Variants in ATP10A observed in about 807,000 individuals in gnomAD.
ATP10A encodes the protein phospholipid-transporting ATPase VA.
ATP10A carries 111 observed loss-of-function variants against 147.8 expected under a neutral mutation model. That is an observed-to-expected ratio of 0.75 (90% CI 0.64 to 0.88). The LOEUF is 0.88. Among genes scored for constraint, ATP10A ranks in the 40% least tolerant of loss-of-function variants. The pLI, the probability that ATP10A is intolerant of heterozygous loss-of-function variation, is 0.00. For synonymous variants in ATP10A, 875 were observed against 841.6 expected (o/e 1.04, Z -0.69); for missense variants, 1,927 against 1,959.0 (o/e 0.98, Z 0.31).
intron 15 of ATP10A, among the ~76,000 whole-genome samples, chr15:25,690,677 G>A (rs764856728): frequency 6.6e-6 from 1 of 152,124 alleles, no homozygotes; most frequent in Non-Finnish European, 1.5e-5. Context: ...GTTCAGACCC[G>A]TGTTGTTCAA....
chr15:25,686,397 G>C (rs1899716003), intron 16 of ATP10A, among the ~76,000 whole-genome samples: 1 of 106,112 alleles, frequency 9.4e-6, no homozygotes, highest in Admixed American at 9.1e-5. Flanking sequence ...GAGGCTGGAA[G>C]ATCACTTGAG....
chr15:25,826,042 T>TC, intron 1 of ATP10A, among the ~76,000 whole-genome samples: 1 of 151,970 alleles, frequency 6.6e-6, no homozygotes, highest in Non-Finnish European at 1.5e-5. Context: ...GAAATAAAAA[T>TC]TTGAAGATCT....
At chr15:25,722,593 G>A (rs1244940397) in intron 6 of ATP10A, among the ~76,000 whole-genome samples, 1 of 152,102 alleles carries the variant, frequency 6.6e-6, no homozygotes, top group African/African-American at 2.4e-5. Flanking sequence ...AGACTAACTG[G>A]GTTCTCCTGG....
intron 12 of ATP10A, among the ~76,000 whole-genome samples, chr15:25,705,452 A>AC (rs756538136): frequency 0.21 from 5,683 of 27,524 alleles, 196 homozygotes; most frequent in East Asian, 0.3. Context: ...AAAAAAAAAA[A>AC]ACAAAAAAAA....
At chr15:25,705,025 A>C (rs943111951) in intron 12 of ATP10A, among the ~76,000 whole-genome samples, 1 of 152,356 alleles carries the variant, frequency 6.6e-6, no homozygotes, top group South Asian at 2.1e-4. Context: ...AATGAGCAAG[A>C]GTATCCTTTG....
chr15:25,831,975 C>T (rs548314608), intron 1 of ATP10A, among the ~76,000 whole-genome samples: 1 of 152,258 alleles, frequency 6.6e-6, no homozygotes, highest in South Asian at 2.1e-4. Context: ...ACGATCCTTG[C>T]AGATATAGTT....
intron 1 of ATP10A, among the ~76,000 whole-genome samples, chr15:25,798,610 G>A (rs983757183): frequency 3.9e-5 from 6 of 152,176 alleles, no homozygotes; most frequent in Non-Finnish European, 8.8e-5. Flanking sequence ...TGGCCAGGGC[G>A]GCACAAGGCA....
intron 12 of ATP10A, among the ~76,000 whole-genome samples, chr15:25,705,095 G>A (rs768067897): frequency 2.6e-5 from 4 of 152,230 alleles, no homozygotes; most frequent in Admixed American, 1.3e-4. Context: ...TGGAGAGAAC[G>A]GAGATCCTTT....
chr15:25,830,070 G>A (rs534866135), intron 1 of ATP10A, among the ~76,000 whole-genome samples: 89 of 152,232 alleles, frequency 5.8e-4, no homozygotes, highest in African/African-American at 2.1e-3. Context: ...TGGTTCAGGC[G>A]GGGAGAAGTG....
intron 13 of ATP10A, among the ~76,000 whole-genome samples, chr15:25,701,400 ACAGTTCCCTG>A (rs1288469631): frequency 1.3e-5 from 2 of 152,194 alleles, no homozygotes. Flanking sequence ...CCACAGCAAG[ACAGTTCCCTG>A]CTCCATTCAA....
At chr15:25,770,336 C>A (rs1188811318) in intron 2 of ATP10A, among the ~76,000 whole-genome samples, 1 of 152,222 alleles carries the variant, frequency 6.6e-6, no homozygotes, top group African/African-American at 2.4e-5. Flanking sequence ...AGAGATGGCC[C>A]TGAGGGGCTT....
At chr15:25,721,010 C>G (rs1902184280) in intron 7 of ATP10A, among the ~76,000 whole-genome samples, 2 of 152,172 alleles carry the variant, frequency 1.3e-5, no homozygotes, top group African/African-American at 4.8e-5. Context: ...GCTGCAGCCC[C>G]AGGCACAGTG....
intron 2 of ATP10A, among the ~76,000 whole-genome samples, chr15:25,736,445 T>C (rs1887286818): frequency 6.6e-6 from 1 of 152,210 alleles, no homozygotes; most frequent in African/African-American, 2.4e-5. Context: ...AGGCCATCAA[T>C]GAAGCAAAGG....
At chr15:25,819,986 T>C (rs1299548506) in intron 1 of ATP10A, among the ~76,000 whole-genome samples, 1 of 152,124 alleles carries the variant, frequency 6.6e-6, no homozygotes, top group Non-Finnish European at 1.5e-5. Context: ...ATACATGTGG[T>C]AGATACATTA....
rs73368983 is a variant in ATP10A, at chr15:25,823,602, A to C, written c.449+39046T>G. Among the ~76,000 whole-genome samples, 547 of 152,324 alleles carry C rather than the reference A, an allele frequency of 3.6e-3. 4 individuals carry two copies. The highest frequency in any genetic ancestry group is 0.013 in the African/African-American group (533 of 41,572). On this transcript the variant is annotated intron_variant, in intron 1 of 20. Coordinates refer to ENST00000555815, the MANE Select transcript of ATP10A (RefSeq NM_024490.4). The stretch of plus-strand genomic sequence containing the variant: ...AATTGTTTCTAAATAGAAGTCTTCC[A>C]AGGAAGTTACGGTACAATTTATTCA...
At chr15:25,783,603 A>C (rs1300170433) in intron 1 of ATP10A, among the ~76,000 whole-genome samples, 1 of 152,198 alleles carries the variant, frequency 6.6e-6, no homozygotes, top group Non-Finnish European at 1.5e-5. Flanking sequence ...AAGATCCACC[A>C]AACCAGTTAT....
chr15:25,772,879 C>T (rs1409394009), intron 2 of ATP10A, among the ~76,000 whole-genome samples: 2 of 152,164 alleles, frequency 1.3e-5, no homozygotes, highest in Admixed American at 6.5e-5. Context: ...CTGAAAAGGG[C>T]TTTGTGAAAA....
At chr15:25,829,502 C>G (rs991081793) in intron 1 of ATP10A, among the ~76,000 whole-genome samples, 2 of 152,204 alleles carry the variant, frequency 1.3e-5, no homozygotes, top group African/African-American at 2.4e-5. Context: ...TGCCGCCACA[C>G]AGAAAACAAA....
chr15:25,684,713 C>T (rs983433578), intron 16 of ATP10A, among the ~76,000 whole-genome samples: 4 of 152,174 alleles, frequency 2.6e-5, no homozygotes, highest in African/African-American at 7.2e-5. Context: ...GCTAGACAGA[C>T]ATTTTCTGCT....
Sources: allele counts gnomAD v4.1 joint callset (sites outside exome capture counted in the v4.1 genomes callset), GRCh38; gene constraint gnomAD v4.1.1; transcripts MANE v1.5; gene names NCBI Gene and HGNC (gene_info 2026-07-23, HGNC 2026-07-21).